The following TAMM41 variants were observed in gnomAD, a reference collection of about 807,000 sequenced individuals.
TAMM41 encodes TAM41 mitochondrial translocator assembly and maintenance homolog, also known as phosphatidate cytidylyltransferase, mitochondrial.
In TAMM41, 36 loss-of-function variants were observed where a neutral mutation model predicts 44.1. That is an observed-to-expected ratio of 0.82 (90% confidence interval 0.63 to 1.08). The LOEUF is 1.08. TAMM41 is among the 50% of genes least tolerant of loss of function. The pLI is 0.00. For missense variants in TAMM41, 417 were observed against 404.3 expected, an observed-to-expected ratio of 1.03 and a Z score of -0.27; for synonymous variants, 164 against 153.1, an observed-to-expected ratio of 1.07 and a Z score of -0.53.
At chr3:11,757,264 A>G in the TAMM41 span, among the ~76,000 whole-genome samples, 1 of 152,316 alleles carries the variant, frequency 6.6e-6, no homozygotes, top group Non-Finnish European at 1.5e-5. Context: ...CACACTGTAA[A>G]TGCTTGAGAG....
chr3:11,803,156 C>T (rs2077801930), intron 7 of TAMM41, among the ~76,000 whole-genome samples: 1 of 152,174 alleles, frequency 6.6e-6, no homozygotes, highest in African/African-American at 2.4e-5. Flanking sequence ...CCTGTAGTCC[C>T]AGCTACTCGG....
At chr3:11,818,184 A>G (rs1313701245) in intron 4 of TAMM41, among the ~76,000 whole-genome samples, 1 of 152,146 alleles carries the variant, frequency 6.6e-6, no homozygotes, top group East Asian at 1.9e-4. Flanking sequence ...AGAGGGAGCA[A>G]ATTGTCAGGG....
chr3:11,793,711 G>A (rs778501864), intron 7 of TAMM41, among the ~76,000 whole-genome samples: 3 of 152,146 alleles, frequency 2.0e-5, no homozygotes, highest in Non-Finnish European at 2.9e-5. Context: ...TAAATGAACA[G>A]GGAAAGGCAC....
the TAMM41 span, among the ~76,000 whole-genome samples, chr3:11,758,624 T>C: frequency 2.6e-5 from 4 of 152,172 alleles, no homozygotes; most frequent in African/African-American, 9.7e-5. Context: ...GTGCTGGGAT[T>C]ACCGGCGTGA....
At chr3:11,789,180 A>G (rs529407616), downstream of TAMM41, among the ~76,000 whole-genome samples, 1 of 152,328 alleles carries the variant, frequency 6.6e-6, no homozygotes, top group South Asian at 2.1e-4. Flanking sequence ...AACTTGCCCA[A>G]AATCACATAT....
At chr3:11,816,702 T>C (rs1423528708) in intron 5 of TAMM41, among the ~76,000 whole-genome samples, 1 of 151,060 alleles carries the variant, frequency 6.6e-6, no homozygotes, top group Non-Finnish European at 1.5e-5. Context: ...GGCTGGGGGG[T>C]GTTGAGGCTG....
At position 11,829,763 on chromosome 3, in the gene TAMM41, G is replaced by C; in HGVS notation, c.513C>G (p.Ser171Arg). The C allele has an allele frequency of 6.2e-7, 1 of 1,614,196 alleles. No homozygotes were observed. Among genetic ancestry groups the C allele is most frequent in the Non-Finnish European group, 8.5e-7 (1 of 1,180,024 alleles). The stretch of plus-strand genomic sequence containing the variant: ...CTATGAAGAGGTCTTCTTCAGAAAA[G>C]CTTTCGGGGAGCATGAGGAAAGCAG... ...VTAAFLMLPE[S>R]FSEEDLFIEI... Residue 171 changes from serine to arginine, a missense_variant, in exon 4 of 8, where the codon AGC becomes AGG. Coordinates refer to ENST00000455809, the MANE Select transcript of TAMM41 (RefSeq NM_001284401.2).
At position 11,845,000 on chromosome 3, in the gene TAMM41, CT is replaced by C. The variant is rs577972968; in HGVS notation, c.136-790del. 317 of 456,062 alleles carry C rather than the reference CT, an allele frequency of 7.0e-4. 9 individuals are homozygous for C. The highest frequency in any genetic ancestry group is 4.6e-3 in the South Asian group (300 of 64,532). The allele number at this position is 456,062 out of a possible 1,614,324, so 28.3% of individuals were successfully genotyped here. On this transcript the variant is annotated intron_variant, in intron 1 of 7. Coordinates refer to ENST00000455809, the MANE Select transcript of TAMM41 (RefSeq NM_001284401.2). ...GAGTTAAACAGACTTGCTGGAAGCA[CT>C]GGGGGAAGCACAGGGAAGGGTAGGG... is the stretch of plus-strand genomic sequence containing the variant.
chr3:11,763,024 G>GTTTTTTT, the TAMM41 span, among the ~76,000 whole-genome samples: 2 of 152,234 alleles, frequency 1.3e-5, no homozygotes, highest in Non-Finnish European at 2.9e-5. Context: ...GGCAACAAGA[G>GTTTTTTT]TGAAACTCTG....
chr3:11,808,721 CTCTT>C, intron 6 of TAMM41: 1 of 717,098 alleles, frequency 1.4e-6, no homozygotes, highest in African/African-American at 1.9e-5. Context: ...AAGGTTCAGG[CTCTT>C]TTTTTTGTTT....
chr3:11,795,123 A>G (rs2124919516), intron 7 of TAMM41, among the ~76,000 whole-genome samples: 1 of 152,326 alleles, frequency 6.6e-6, no homozygotes, highest in South Asian at 2.1e-4. Context: ...AAGGCTGGTA[A>G]GGATCAACTG....
At chr3:11,829,570 G>C in intron 4 of TAMM41, 144 bp downstream of exon 4, 1 of 782,052 alleles carries the variant, frequency 1.3e-6, no homozygotes, top group Non-Finnish European at 2.0e-6. Context: ...GGCAAATCAC[G>C]AGGTTAGTGC....
At position 11,843,933 on chromosome 3, in the gene TAMM41, T is replaced by C; in HGVS notation, c.318+96A>G. ...TAACAACGTCCAGCAGGAGTGTGAA[T>C]GTTTCCTGACCACAAGAACATACAT... On this transcript the variant is annotated intron_variant, in intron 2 of 7. Coordinates refer to ENST00000455809, the MANE Select transcript of TAMM41 (RefSeq NM_001284401.2). 3 of 1,285,656 alleles carry C rather than the reference T, an allele frequency of 2.3e-6. No individual in the cohort carries two copies. In the Admixed American group the frequency reaches 6.3e-5, roughly 27 times the overall value. The allele number at this position is 1,285,656 out of a possible 1,614,324, so 79.6% of individuals were successfully genotyped here.
chr3:11,791,075 C>T (rs1445572946), intron 7 of TAMM41, among the ~76,000 whole-genome samples: 2 of 152,192 alleles, frequency 1.3e-5, no homozygotes, highest in South Asian at 2.1e-4. Context: ...GGAAGTGCTT[C>T]CCTGGACCCA....
At chr3:11,803,799 T>C (rs1329497344) in intron 7 of TAMM41, among the ~76,000 whole-genome samples, 2 of 152,298 alleles carry the variant, frequency 1.3e-5, no homozygotes, top group South Asian at 2.1e-4. Flanking sequence ...TGGATAGAAC[T>C]GGAGGCCACG....
At chr3:11,785,291 T>C in the TAMM41 span, among the ~76,000 whole-genome samples, 1 of 152,138 alleles carries the variant, frequency 6.6e-6, no homozygotes, top group African/African-American at 2.4e-5. Context: ...GCAGCAGCAG[T>C]TACTGGTGGT....
In TAMM41 at chr3:11,846,844, A is replaced by T. The variant is rs1302693397; in HGVS notation, c.-208T>A. The T allele has an allele frequency of 3.2e-6, 2 of 621,136 alleles. No individual in the cohort carries two copies. Among genetic ancestry groups the T allele is most frequent in the African/African-American group, 3.7e-5 (2 of 54,090 alleles). The allele number at this position is 621,136 out of a possible 1,614,324, so 38.5% of individuals were successfully genotyped here. On this transcript the variant is annotated 5_prime_UTR_variant, in exon 1 of 8. Coordinates refer to ENST00000455809, the MANE Select transcript of TAMM41 (RefSeq NM_001284401.2). Reference sequence around the variant, plus strand: ...GCAGCGGCGAGAAGACGCAGCCCAGATAGGCTCGGGTGGGCGGCGGTCGCA... The same window carrying T: ...GCAGCGGCGAGAAGACGCAGCCCAGTTAGGCTCGGGTGGGCGGCGGTCGCA...
the TAMM41 span, among the ~76,000 whole-genome samples, chr3:11,723,187 T>C: frequency 2.4e-4 from 8 of 32,742 alleles, no homozygotes; most frequent in Admixed American, 2.8e-3. Context: ...ATTACCTGGG[T>C]GGGGGTGGGG....
At position 11,809,553 on chromosome 3, in the gene TAMM41, C is replaced by T. The variant is rs1327508893; in HGVS notation, c.838G>A (p.Ala280Thr). Residue 280 changes from alanine (A) to threonine (T), a missense_variant, in exon 6 of 8, where the codon GCT becomes ACT. Coordinates refer to ENST00000455809, the MANE Select transcript of TAMM41 (RefSeq NM_001284401.2). The stretch of plus-strand genomic sequence containing the variant: ...ACATCTCCACAGTCGGGATCATGAG[C>T]CACTTGGAATAAAGTTTCTTCCACA... The part of the protein sequence containing the change: ...RDVEETLFQV[A>T]HDPDCGDVVR... 6.2e-7 allele frequency: 1 copy of T among 1,614,110 alleles called. No homozygotes were observed. The highest frequency in any genetic ancestry group is 8.5e-7 in the Non-Finnish European group (1 of 1,180,034).
Sources: allele counts gnomAD v4.1 joint callset (sites outside exome capture counted in the v4.1 genomes callset), GRCh38; gene constraint gnomAD v4.1.1; transcripts MANE v1.5; gene names NCBI Gene and HGNC (gene_info 2026-07-23, HGNC 2026-07-21).